SHANK2: variants seen among roughly 807,000 people sequenced by gnomAD.
SHANK2 encodes SH3 and multiple ankyrin repeat domains 2, also known as SH3 and multiple ankyrin repeat domains protein 2.
In SHANK2, 43 loss-of-function variants were observed where a neutral mutation model predicts 133.7. That is an observed-to-expected ratio of 0.32 (90% CI 0.25 to 0.41). The LOEUF is 0.41. SHANK2 is among the 10% of genes least tolerant of loss of function. The pLI is 1.00. For missense variants in SHANK2, 1,994 were observed against 2,235.8 expected (o/e 0.89, Z 2.18); for synonymous variants, 1,017 against 952.8 (o/e 1.07, Z -1.24).
At chr11:70,546,900 A>T (rs2059702614) in intron 17 of SHANK2, among the ~76,000 whole-genome samples, 1 of 152,182 alleles carries the variant, frequency 6.6e-6, no homozygotes, top group Non-Finnish European at 1.5e-5. Context: ...TTGCTTCACC[A>T]GACTCCCTGG....
chr11:70,646,829 T>TTTTATTTATTTA (rs201368975), intron 17 of SHANK2, among the ~76,000 whole-genome samples: 1 of 81,906 alleles, frequency 1.2e-5, no homozygotes, highest in Middle Eastern at 6.0e-3. Context: ...CTTTTATTTA[T>TTTTATTTATTTA]TTTATTTATT....
chr11:70,624,835 GGGC>G (rs2060882853), intron 17 of SHANK2, among the ~76,000 whole-genome samples: 1 of 152,222 alleles, frequency 6.6e-6, no homozygotes, highest in Non-Finnish European at 1.5e-5. Flanking sequence ...ACACCTGGCA[GGGC>G]GGCTCTGCGA....
chr11:70,720,907 G>A (rs554082925), intron 14 of SHANK2, among the ~76,000 whole-genome samples: 2 of 152,310 alleles, frequency 1.3e-5, no homozygotes, highest in East Asian at 3.9e-4. Flanking sequence ...ACACATGTTG[G>A]GGAGGAACAG....
intron 3 of SHANK2, among the ~76,000 whole-genome samples, chr11:71,134,752 A>C (rs781937464): frequency 1.7e-4 from 26 of 152,068 alleles, no homozygotes; most frequent in Non-Finnish European, 3.7e-4. Context: ...CGCAGGCCTC[A>C]CATCTTAAAC....
At chr11:70,893,947 T>G (rs1251509156) in intron 11 of SHANK2, among the ~76,000 whole-genome samples, 1 of 152,220 alleles carries the variant, frequency 6.6e-6, no homozygotes, top group Non-Finnish European at 1.5e-5. Flanking sequence ...GGGTGCTGTT[T>G]ACAGTTAACA....
Position 70,932,282 on chromosome 11 carries a change from C to A in SHANK2, c.1108-35715G>T, listed in dbSNP as rs376719059. On this transcript the variant is annotated intron_variant, in intron 10 of 25. Coordinates refer to ENST00000601538, the MANE Select transcript of SHANK2 (RefSeq NM_012309.5). Reference sequence around the variant, plus strand: ...TAACAGCCACGGGAAATATTAATTTCCAGATGCACTCATTTTTATCTTAAA... The same window carrying A: ...TAACAGCCACGGGAAATATTAATTTACAGATGCACTCATTTTTATCTTAAA... Among the ~76,000 whole-genome samples the A allele has an allele frequency of 2.2e-4, 33 of 152,348 alleles. 1 individual carries two copies. Among genetic ancestry groups the A allele is most frequent in the African/African-American group, 7.7e-4 (32 of 41,576 alleles).
chr11:71,073,143 T>TTTTTTTG (rs1951166311), intron 9 of SHANK2, among the ~76,000 whole-genome samples: 1 of 42,450 alleles, frequency 2.4e-5, no homozygotes, highest in Non-Finnish European at 1.0e-4. Context: ...TTTCTTTTTC[T>TTTTTTTG]TTTCTTTTTT....
At chr11:71,086,301 T>G (rs1435536667) in intron 8 of SHANK2, among the ~76,000 whole-genome samples, 1 of 116,218 alleles carries the variant, frequency 8.6e-6, no homozygotes, top group East Asian at 2.4e-4. Context: ...TATAAGATGT[T>G]ATATAAGATA....
At chr11:70,747,336 G>A (rs893605056) in intron 14 of SHANK2, among the ~76,000 whole-genome samples, 6 of 152,114 alleles carry the variant, frequency 3.9e-5, no homozygotes, top group East Asian at 1.9e-4. Context: ...GGAGGGACCC[G>A]GGCAGTTACC....
At chr11:70,636,859 TG>T (rs1305522855) in intron 17 of SHANK2, among the ~76,000 whole-genome samples, 1 of 152,124 alleles carries the variant, frequency 6.6e-6, no homozygotes, top group African/African-American at 2.4e-5. Context: ...TATGTAAGCA[TG>T]TGTGAACATG....
chr11:71,058,135 T>C, intron 9 of SHANK2, among the ~76,000 whole-genome samples: 1 of 152,272 alleles, frequency 6.6e-6, no homozygotes, highest in African/African-American at 2.4e-5. Flanking sequence ...GCTCAAGTGA[T>C]CTGCCTGCCT....
intron 3 of SHANK2, among the ~76,000 whole-genome samples, chr11:71,126,670 G>A (rs116747451): frequency 0.029 from 4,392 of 151,886 alleles, 197 homozygotes; most frequent in African/African-American, 0.097. Context: ...CATAAGAGGA[G>A]GTGGAAATGT....
chr11:70,801,071 A>G (rs1200906617), intron 13 of SHANK2, among the ~76,000 whole-genome samples: 1 of 152,226 alleles, frequency 6.6e-6, no homozygotes, highest in African/African-American at 2.4e-5. Context: ...TATCTAGCTC[A>G]TAAGTGTTTC....
rs1554974049 is a variant in SHANK2 at position 70,535,658 on chromosome 11, C to A, written c.2062-32727G>T. 6.6e-6 allele frequency among the ~76,000 whole-genome samples: 1 copy of A among 152,236 alleles called. No homozygotes were observed. On this transcript the variant is annotated intron_variant, in intron 17 of 25. Coordinates refer to ENST00000601538, the MANE Select transcript of SHANK2 (RefSeq NM_012309.5). This position sits in a 1 kb window ranked among gnomAD's most constrained non-coding sequence, Gnocchi z 4.3. ...CTAGACGCTGGGGAATGAATAACTC[C>A]TGGCCCCGCCTTTAAGGGCTGCACA...
intron 10 of SHANK2, among the ~76,000 whole-genome samples, chr11:70,923,673 C>T (rs954783345): frequency 9.2e-5 from 14 of 152,222 alleles, no homozygotes; most frequent in Admixed American, 7.2e-4. Flanking sequence ...CTCAGCCTCT[C>T]AAGTAGCTGG....
intron 15 of SHANK2, among the ~76,000 whole-genome samples, chr11:70,688,207 C>G (rs926377850): frequency 1.8e-4 from 27 of 152,294 alleles, no homozygotes; most frequent in Admixed American, 5.9e-4. Context: ...CTGGATCCCC[C>G]CTGCAGGGCA....
rs112612486 is a variant in SHANK2 at position 71,108,944 on chromosome 11, C to A, written c.592+997G>T. ...TGAATCCACACCCAGCGGGCCCCCC[C>A]CCAGCGTTCAGAGGTCGAGGGGGCT... On this transcript the variant is annotated intron_variant, in intron 6 of 25. Coordinates refer to ENST00000601538, the MANE Select transcript of SHANK2 (RefSeq NM_012309.5). Among the ~76,000 whole-genome samples the A allele has an allele frequency of 4.2e-4, 64 of 152,336 alleles. 1 individual carries two copies. Among genetic ancestry groups the A allele is most frequent in the African/African-American group, 9.4e-4 (39 of 41,580 alleles).
chr11:70,804,530 C>G lies in SHANK2; in HGVS notation c.1663+2472G>C, dbSNP rs534148038. Among the ~76,000 whole-genome samples, 1 of 152,146 alleles carries G rather than the reference C, an allele frequency of 6.6e-6. No individual in the cohort carries two copies. The highest frequency in any genetic ancestry group is 1.5e-5 in the Non-Finnish European group (1 of 68,016). ...GGAGAAAGGCCCAGCTCCCCGCACG[C>G]CCCACGCTCCTGCGAGGGGCGGGTT... On this transcript the variant is annotated intron_variant, in intron 13 of 25. Coordinates refer to ENST00000601538, the MANE Select transcript of SHANK2 (RefSeq NM_012309.5). The surrounding 1 kb of genome is among the most constrained non-coding windows in gnomAD (Gnocchi z 4.1).
intron 11 of SHANK2, 26 bp from the exon 12 acceptor site, chr11:70,820,708 C>A: frequency 1.6e-6 from 1 of 642,528 alleles, no homozygotes; most frequent in Non-Finnish European, 2.9e-6. Context: ...TGGAGAGAGG[C>A]CGGTGAGTGC....
Sources: gnomAD v4.1 joint callset for allele counts (sites outside exome capture counted in the v4.1 genomes callset) on GRCh38, gnomAD v4.1.1 for gene constraint, Gnocchi (gnomAD v3.1) non-coding constraint, MANE v1.5 for transcripts, NCBI Gene and HGNC (gene_info 2026-07-23, HGNC 2026-07-21) for gene names.